The following THSD7A variants were observed in gnomAD, a reference collection of about 807,000 sequenced individuals.
THSD7A encodes the protein thrombospondin type 1 domain containing 7A.
A neutral mutation model predicts 231.3 loss-of-function variants in THSD7A; 96 were observed. That is an observed-to-expected ratio of 0.41 (90% CI 0.35 to 0.49). The LOEUF is 0.49. Ranked by LOEUF, THSD7A falls within the 20% of genes least tolerant of loss-of-function variation. The pLI, the probability that THSD7A is intolerant of heterozygous loss-of-function variation, is 0.05. For missense variants in THSD7A, 2,290 were observed against 2,070.2 expected, an observed-to-expected ratio of 1.11 and a Z score of -2.06; for synonymous variants, 940 against 743.3, an observed-to-expected ratio of 1.26 and a Z score of -4.30.
chr7:11,578,299 A>C (rs908987410), intron 4 of THSD7A, among the ~76,000 whole-genome samples: 1 of 152,244 alleles, frequency 6.6e-6, no homozygotes, highest in Non-Finnish European at 1.5e-5. Context: ...TATGTTACAT[A>C]TGTCATCTCA....
chr7:11,447,156 A>G, intron 12 of THSD7A, 74 bp downstream of exon 12: 1 of 1,396,318 alleles, frequency 7.2e-7, no homozygotes, highest in Non-Finnish European at 1.0e-6. Context: ...CACTGTCAGA[A>G]TTCTCTCAGT....
intron 6 of THSD7A, among the ~76,000 whole-genome samples, chr7:11,493,422 A>G (rs1396305109): frequency 3.3e-5 from 5 of 152,066 alleles, no homozygotes; most frequent in African/African-American, 1.2e-4. Context: ...AGTTTCTAAA[A>G]ATCCTATCTT....
Position 11,591,288 on chromosome 7 carries a change from T to C in THSD7A, c.1272-647A>G, listed in dbSNP as rs138628177. Reference sequence around the variant, plus strand: ...TGCTCAATTAAAGCTCCAATCAAGATTATGATGTGAGAAAAATGTCAGGGG... The same window carrying C: ...TGCTCAATTAAAGCTCCAATCAAGACTATGATGTGAGAAAAATGTCAGGGG... On this transcript the variant is annotated intron_variant, in intron 3 of 27. Coordinates refer to ENST00000423059, the MANE Select transcript of THSD7A (RefSeq NM_015204.3). 1.1e-4 allele frequency among the ~76,000 whole-genome samples: 17 copies of C among 151,948 alleles called. No individual in the cohort carries two copies. The East Asian group carries it at 2.9e-3, about 26-fold the overall frequency.
intron 20 of THSD7A, 121 bp downstream of exon 20, chr7:11,407,185 G>C: frequency 6.9e-7 from 1 of 1,454,960 alleles, no homozygotes. Context: ...TAGATGTTTT[G>C]CAAAGAAAGA....
At chr7:11,414,498 A>G (rs577440496) in intron 17 of THSD7A, among the ~76,000 whole-genome samples, 2 of 152,222 alleles carry the variant, frequency 1.3e-5, no homozygotes, top group Admixed American at 6.5e-5. Context: ...AGAAGTGTCT[A>G]TTTCTGGCTT....
At chr7:11,594,579 T>A (rs2128342330) in intron 2 of THSD7A, among the ~76,000 whole-genome samples, 1 of 152,194 alleles carries the variant, frequency 6.6e-6, no homozygotes, top group Non-Finnish European at 1.5e-5. Context: ...GTTTAGAGAC[T>A]CTATATATAA....
At chr7:11,398,306 C>A (rs991026826) in intron 23 of THSD7A, among the ~76,000 whole-genome samples, 2 of 151,916 alleles carry the variant, frequency 1.3e-5, no homozygotes, top group Non-Finnish European at 2.9e-5. Flanking sequence ...AAACACTGCA[C>A]GTTCTCATTC....
rs1782024185 is a variant in THSD7A at position 11,370,826 on chromosome 7, T to G, written c.*4968A>C. The G allele has an allele frequency of 6.6e-6, 1 of 152,076 alleles. No homozygotes were observed. Among genetic ancestry groups the G allele is most frequent in the Admixed American group, 6.6e-5 (1 of 15,266 alleles). The allele number at this position is 152,076 out of a possible 1,614,324, so 9.4% of individuals were successfully genotyped here. ...TATATTTTACAATGATAGATACTGATCTCTTCAAATCTGTGTGATAGAAAT... is the reference window on the plus strand; with the variant it reads ...TATATTTTACAATGATAGATACTGAGCTCTTCAAATCTGTGTGATAGAAAT... On this transcript the variant is annotated 3_prime_UTR_variant, in exon 28 of 28. Coordinates refer to ENST00000423059, the MANE Select transcript of THSD7A (RefSeq NM_015204.3).
At chr7:11,697,485 G>T (rs886128584) in intron 1 of THSD7A, among the ~76,000 whole-genome samples, 2 of 151,272 alleles carry the variant, frequency 1.3e-5, no homozygotes, top group South Asian at 2.1e-4. Context: ...TATTTTGTAT[G>T]ATATTTAATA....
chr7:11,484,215 A>G (rs1345086811), intron 6 of THSD7A, among the ~76,000 whole-genome samples: 4 of 151,902 alleles, frequency 2.6e-5, no homozygotes, highest in African/African-American at 9.7e-5. Context: ...ACCATCCCCA[A>G]CCCTTCCAGG....
rs1032832715 is a variant in THSD7A at position 11,371,712 on chromosome 7, G to A, written c.*4082C>T. On this transcript the variant is annotated 3_prime_UTR_variant, in exon 28 of 28. Transcript: ENST00000423059. ...GAGGATATGGGATGGTCTAAAGCAAGTGTAGGCATGGACATTTTTACAGAA... is the reference window on the plus strand; with the variant it reads ...GAGGATATGGGATGGTCTAAAGCAAATGTAGGCATGGACATTTTTACAGAA... 1.3e-5 allele frequency: 2 copies of A among 149,838 alleles called. No individual in the cohort carries two copies. Among genetic ancestry groups the A allele is most frequent in the African/African-American group, 4.9e-5 (2 of 40,762 alleles). The allele number at this position is 149,838 out of a possible 1,614,324, so 9.3% of individuals were successfully genotyped here.
At chr7:11,664,339 G>C (rs1304907412) in intron 1 of THSD7A, among the ~76,000 whole-genome samples, 2 of 151,786 alleles carry the variant, frequency 1.3e-5, no homozygotes, top group East Asian at 3.9e-4. Context: ...AGATAGATTT[G>C]GGTTTGTGTT....
At chr7:11,447,563 G>T (rs1785013334) in intron 11 of THSD7A, 139 bp from the exon 12 acceptor site, 1 of 660,646 alleles carries the variant, frequency 1.5e-6, no homozygotes. Context: ...TCTTATAGGA[G>T]TGTTTCTAAT....
At chr7:11,422,612 A>AG (rs1412002408) in intron 16 of THSD7A, among the ~76,000 whole-genome samples, 1 of 151,942 alleles carries the variant, frequency 6.6e-6, no homozygotes, top group African/African-American at 2.4e-5. Context: ...AAAAAAAAAA[A>AG]AAAAAGTAAC....
At chr7:11,573,490 G>A (rs1790740520) in intron 4 of THSD7A, among the ~76,000 whole-genome samples, 1 of 152,196 alleles carries the variant, frequency 6.6e-6, no homozygotes, top group Non-Finnish European at 1.5e-5. Context: ...AGTAGCAGAT[G>A]GAGGCAATTT....
chr7:11,679,829 G>C (rs1279161934), intron 1 of THSD7A, among the ~76,000 whole-genome samples: 1 of 151,964 alleles, frequency 6.6e-6, no homozygotes, highest in East Asian at 1.9e-4. Context: ...TTTCTTCATA[G>C]AATTGGAAAA....
intron 2 of THSD7A, among the ~76,000 whole-genome samples, chr7:11,595,372 G>C (rs916724198): frequency 6.6e-6 from 1 of 152,144 alleles, no homozygotes; most frequent in Non-Finnish European, 1.5e-5. Context: ...GTGGAAGGAA[G>C]ATAGAGTCGG....
intron 1 of THSD7A, among the ~76,000 whole-genome samples, chr7:11,785,022 A>C (rs1394804503): frequency 6.6e-6 from 1 of 152,088 alleles, no homozygotes; most frequent in Non-Finnish European, 1.5e-5. Context: ...CATAGCTTTC[A>C]AATGTCTGAA....
intron 4 of THSD7A, 21 bp from the exon 5 acceptor site, chr7:11,543,138 A>C (rs1320200428): frequency 6.3e-7 from 1 of 1,594,408 alleles, no homozygotes; most frequent in Non-Finnish European, 8.6e-7. Context: ...ATACAGACAC[A>C]TATTAAAAAA....
Sources: gnomAD v4.1 joint callset for allele counts (sites outside exome capture counted in the v4.1 genomes callset) on GRCh38, gnomAD v4.1.1 for gene constraint, MANE v1.5 for transcripts, NCBI Gene and HGNC (gene_info 2026-07-23, HGNC 2026-07-21) for gene names.